The following DIP2B variants were observed in gnomAD, a reference collection of about 807,000 sequenced individuals.
DIP2B encodes the protein DIP2 acetate--CoA ligase B (putative).
In DIP2B, 76 loss-of-function variants were observed where a neutral mutation model predicts 198.0. The ratio of observed to expected loss-of-function variants is 0.38; its 90% CI spans 0.32 to 0.46. The LOEUF (loss-of-function observed/expected upper bound fraction) is 0.46, where lower values mean the gene tolerates loss of function less well. DIP2B is among the 20% of genes least tolerant of loss of function. DIP2B has a pLI of 0.99. For missense variants in DIP2B, 1,559 were observed against 1,978.4 expected, an observed-to-expected ratio of 0.79 and a Z score of 4.02; for synonymous variants, 701 against 739.1, an observed-to-expected ratio of 0.95 and a Z score of 0.84.
intron 1 of DIP2B, among the ~76,000 whole-genome samples, chr12:50,530,490 T>C (rs1488013897): frequency 6.6e-6 from 1 of 152,218 alleles, no homozygotes; most frequent in African/African-American, 2.4e-5. Context: ...TCTGTGTTTG[T>C]TGGAGATCGC....
At chr12:50,528,106 T>C (rs1958183969) in intron 1 of DIP2B, among the ~76,000 whole-genome samples, 1 of 152,008 alleles carries the variant, frequency 6.6e-6, no homozygotes, top group Admixed American at 6.6e-5. Flanking sequence ...TTTAAATTTT[T>C]TGTGGAGATG....
intron 14 of DIP2B, 130 bp downstream of exon 14, chr12:50,693,143 G>C: frequency 1.1e-6 from 1 of 869,782 alleles, no homozygotes; most frequent in Non-Finnish European, 1.8e-6. Context: ...ATATTTTCCA[G>C]AGGCTATATA....
At position 50,734,135 on chromosome 12, in the gene DIP2B, G is replaced by C; in HGVS notation, c.3982G>C (p.Gly1328Arg). Residue 1328 changes from glycine to arginine, a missense_variant and splice_region_variant, in exon 33 of 38, where the codon GGA (glycine) becomes CGA (arginine). By Grantham distance (125) the Gly-to-Arg change is moderately radical (BLOSUM62 -2). Transcript: ENST00000301180. Reference protein sequence around the residue: ...SRVNVAICLQGTSGPDPTTVY... With the variant: ...SRVNVAICLQRTSGPDPTTVY... ...AACGCATTGATTTGTCTTTCTTTAG[G>C]GAACCTCAGGGCCTGATCCGACTAC... is the stretch of plus-strand genomic sequence containing the variant. The C allele has an allele frequency of 6.2e-7, 1 of 1,613,998 alleles. No homozygotes were observed. The highest frequency in any genetic ancestry group is 8.5e-7 in the Non-Finnish European group (1 of 1,179,964).
At chr12:50,691,588 C>T (rs1939222723) in intron 13 of DIP2B, among the ~76,000 whole-genome samples, 1 of 152,152 alleles carries the variant, frequency 6.6e-6, no homozygotes, top group African/African-American at 2.4e-5. Context: ...CACTATTTGC[C>T]TCAGAATGTT....
At chr12:50,545,514 T>G (rs1478113279) in intron 1 of DIP2B, among the ~76,000 whole-genome samples, 3 of 151,656 alleles carry the variant, frequency 2.0e-5, no homozygotes, top group African/African-American at 7.3e-5. Flanking sequence ...TAGCTGGGAC[T>G]ACAGGCATGT....
intron 2 of DIP2B, among the ~76,000 whole-genome samples, chr12:50,638,847 G>GTA (rs1938204066): frequency 7.3e-6 from 1 of 137,476 alleles, no homozygotes; most frequent in Non-Finnish European, 1.5e-5. Context: ...AAATGCTTGG[G>GTA]ACTAGAAGTG....
In DIP2B at chr12:50,745,046, C is replaced by T. The variant is rs1592152402; in HGVS notation, c.*207C>T. 1.5e-6 allele frequency: 1 copy of T among 649,494 alleles called. No individual in the cohort carries two copies. The allele number at this position is 649,494 out of a possible 1,614,324, so 40.2% of individuals were successfully genotyped here. A position where few individuals can be genotyped will look rare whatever the true frequency, so the allele number is the denominator to read the frequency against. On this transcript the variant is annotated 3_prime_UTR_variant, in exon 38 of 38. Coordinates refer to ENST00000301180, the MANE Select transcript of DIP2B (RefSeq NM_173602.3). The stretch of plus-strand genomic sequence containing the variant: ...GAAAAAAATGTTAACATTTGGTAGA[C>T]ATGTGCTTTGACATAGCGTGAGCAG...
At chr12:50,507,825 C>T (rs1431644526) in intron 1 of DIP2B, among the ~76,000 whole-genome samples, 3 of 152,300 alleles carry the variant, frequency 2.0e-5, no homozygotes, top group African/African-American at 7.2e-5. Context: ...CGTGAGCCAC[C>T]GCTAAAGATG....
At chr12:50,524,757 AT>A (rs916256532) in intron 1 of DIP2B, among the ~76,000 whole-genome samples, 1 of 151,806 alleles carries the variant, frequency 6.6e-6, no homozygotes, top group Non-Finnish European at 1.5e-5. Context: ...ATTTATTGTT[AT>A]TTTTTTTGAG....
chr12:50,567,676 C>T (rs1178634869), intron 1 of DIP2B, among the ~76,000 whole-genome samples: 7 of 152,056 alleles, frequency 4.6e-5, no homozygotes, highest in African/African-American at 9.7e-5. Context: ...TACAGGCGCC[C>T]GCCACCATGC....
At chr12:50,552,642 C>T (rs565744114) in intron 1 of DIP2B, among the ~76,000 whole-genome samples, 1 of 152,174 alleles carries the variant, frequency 6.6e-6, no homozygotes, top group South Asian at 2.1e-4. Flanking sequence ...TTTGGATGCA[C>T]AAAAATTCTT....
intron 1 of DIP2B, among the ~76,000 whole-genome samples, chr12:50,541,811 G>C (rs1417585750): frequency 1.3e-5 from 2 of 150,716 alleles, no homozygotes; most frequent in Admixed American, 6.6e-5. Flanking sequence ...AGACCAGTCT[G>C]GCAAACATGG....
At chr12:50,742,924 T>C (rs1196892872) in intron 37 of DIP2B, among the ~76,000 whole-genome samples, 1 of 151,928 alleles carries the variant, frequency 6.6e-6, no homozygotes, top group African/African-American at 2.4e-5. Flanking sequence ...CTTGTTTTCA[T>C]AGGAGTCTCT....
At chr12:50,648,848 T>C (rs1326567389) in intron 3 of DIP2B, among the ~76,000 whole-genome samples, 2 of 152,162 alleles carry the variant, frequency 1.3e-5, no homozygotes, top group East Asian at 3.8e-4. Flanking sequence ...TATTTACAGT[T>C]TATGTGATAA....
intron 1 of DIP2B, among the ~76,000 whole-genome samples, chr12:50,509,597 G>C (rs999506913): frequency 6.6e-6 from 1 of 152,210 alleles, no homozygotes; most frequent in African/African-American, 2.4e-5. Flanking sequence ...CACAGGGTCT[G>C]CCACGAAGGC....
At chr12:50,718,891 G>A (rs1274825474) in intron 24 of DIP2B, 64 bp from the exon 25 acceptor site, 1 of 1,611,388 alleles carries the variant, frequency 6.2e-7, no homozygotes, top group African/African-American at 1.3e-5. Flanking sequence ...GCAGCTGGGG[G>A]ATGCATTATA....
chr12:50,632,844 G>C (rs1278237840), intron 2 of DIP2B, among the ~76,000 whole-genome samples: 1 of 151,890 alleles, frequency 6.6e-6, no homozygotes, highest in Non-Finnish European at 1.5e-5. Flanking sequence ...CTAATCACTG[G>C]TATCTTTTTA....
chr12:50,698,775 C>G (rs1285231490), intron 18 of DIP2B, among the ~76,000 whole-genome samples: 1 of 152,232 alleles, frequency 6.6e-6, no homozygotes, highest in Non-Finnish European at 1.5e-5. Flanking sequence ...AAAATTAGAG[C>G]ATACTGCTTC....
chr12:50,571,914 GT>G (rs1484211053), intron 1 of DIP2B, among the ~76,000 whole-genome samples: 9 of 152,170 alleles, frequency 5.9e-5, no homozygotes. Flanking sequence ...AGGCCTGGAA[GT>G]TTATTTAAAA....
Sources: gnomAD v4.1 joint callset for allele counts (sites outside exome capture counted in the v4.1 genomes callset) on GRCh38, gnomAD v4.1.1 for gene constraint, MANE v1.5 for transcripts, NCBI Gene and HGNC (gene_info 2026-07-23, HGNC 2026-07-21) for gene names.